The following SCML2 variants were observed in gnomAD, a reference collection of about 807,000 sequenced individuals.
The protein encoded by SCML2 is sex comb on midleg-like protein 2.
Under a neutral mutation model 48.4 loss-of-function variants are expected in SCML2, and 6 were observed. The ratio of observed to expected loss-of-function variants is 0.12; its 90% CI spans 0.07 to 0.24. SCML2 has a LOEUF of 0.24. Ranked by LOEUF, SCML2 falls within the 10% of genes least tolerant of loss-of-function variation. The pLI is 1.00. For synonymous variants in SCML2, 181 were observed against 189.5 expected (o/e 0.95, Z 0.37); for missense variants, 377 against 528.2 (o/e 0.71, Z 2.81).
At chrX:18,278,443 T>C (rs772685010) in intron 7 of SCML2, among the ~76,000 whole-genome samples, 5 of 111,678 alleles carry the variant, frequency 4.5e-5, no homozygotes, top group Middle Eastern at 4.7e-3. Context: ...CCCATGGACA[T>C]GTGAATTGGC....
At chrX:18,244,806 C>T (rs1427424065) in intron 13 of SCML2, among the ~76,000 whole-genome samples, 2 of 110,985 alleles carry the variant, frequency 1.8e-5, no homozygotes, top group African/African-American at 6.5e-5. Flanking sequence ...ATTTTTCATT[C>T]AAATAATGGG....
chrX:18,299,357 A>C (rs894063234), intron 7 of SCML2, among the ~76,000 whole-genome samples: 12 of 106,601 alleles, frequency 1.1e-4, no homozygotes, highest in African/African-American at 3.0e-4. Flanking sequence ...ACTAAAAATA[A>C]AAAAAAAAAA....
At chrX:18,339,506 G>A (rs1332479483) in intron 1 of SCML2, among the ~76,000 whole-genome samples, 3 of 111,594 alleles carry the variant, frequency 2.7e-5, no homozygotes, top group African/African-American at 9.8e-5. Context: ...CCAGAAATTT[G>A]GCACCAGCCT....
intron 11 of SCML2, among the ~76,000 whole-genome samples, chrX:18,253,753 A>T (rs1211352735): frequency 8.9e-6 from 1 of 111,883 alleles, no homozygotes; most frequent in Non-Finnish European, 1.9e-5. Flanking sequence ...TTATAAGGGC[A>T]CAAAACAGAA....
chrX:18,333,977 T>A, intron 2 of SCML2, 73 bp downstream of exon 2: 1 of 962,988 alleles, frequency 1.0e-6, no homozygotes, highest in Non-Finnish European at 1.4e-6. Flanking sequence ...ATTTCAAAAG[T>A]TCAGTATACC....
At chrX:18,314,953 G>C (rs977787776) in intron 6 of SCML2, among the ~76,000 whole-genome samples, 1 of 108,991 alleles carries the variant, frequency 9.2e-6, no homozygotes, top group African/African-American at 3.3e-5. Context: ...TTAGCCGGGC[G>C]TGGTGGCAGG....
At chrX:18,308,635 T>C (rs1016396182) in intron 6 of SCML2, among the ~76,000 whole-genome samples, 1 of 110,261 alleles carries the variant, frequency 9.1e-6, no homozygotes, top group African/African-American at 3.3e-5. Context: ...ACCAAAAAAA[T>C]AACAAATGTT....
At position 18,258,045 on chromosome X, in the gene SCML2, A is replaced by G. The variant is rs1268582224; in HGVS notation, c.1272T>C (p.Thr424=). The G allele has an allele frequency of 8.3e-7, 1 of 1,198,537 alleles. No homozygotes were observed. Among genetic ancestry groups the G allele is most frequent in the Admixed American group, 2.2e-5 (1 of 45,912 alleles). Residue 424 remains threonine (T), a splice_region_variant and synonymous_variant, in exon 10 of 15, where the codon ACT becomes ACC. Coordinates refer to ENST00000251900, the MANE Select transcript of SCML2 (RefSeq NM_006089.3). The part of the protein sequence containing the change: ...KPDNRGGEVI[T]ASFDGETHSI... ...AGACAATGTATTAGATAAGTATACC[A>G]GTTATCACTTCTCCTCCACGATTAT...
At chrX:18,298,836 A>G (rs1928484278) in intron 7 of SCML2, among the ~76,000 whole-genome samples, 1 of 110,712 alleles carries the variant, frequency 9.0e-6, no homozygotes, top group Non-Finnish European at 1.9e-5. Context: ...AAGAAAAAAA[A>G]AAAGAAACTA....
chrX:18,280,435 C>T (rs1412386028), intron 7 of SCML2, among the ~76,000 whole-genome samples: 2 of 112,044 alleles, frequency 1.8e-5, no homozygotes, highest in Non-Finnish European at 3.8e-5. Flanking sequence ...CCCACAGGCA[C>T]TATAAAGCAA....
chrX:18,309,801 C>A (rs1928888263), intron 6 of SCML2, among the ~76,000 whole-genome samples: 1 of 110,967 alleles, frequency 9.0e-6, no homozygotes, highest in Admixed American at 9.6e-5. Context: ...GGGTGAGGAT[C>A]AAAAAACTAC....
chrX:18,309,885 C>T (rs867540964), intron 6 of SCML2, among the ~76,000 whole-genome samples: 1 of 111,268 alleles, frequency 9.0e-6, no homozygotes, highest in Non-Finnish European at 1.9e-5. Context: ...CATAATCTAT[C>T]CGTATTACAA....
chrX:18,274,078 G>A (rs1182714940), intron 7 of SCML2, among the ~76,000 whole-genome samples: 4 of 112,000 alleles, frequency 3.6e-5, no homozygotes, highest in South Asian at 3.7e-4. Flanking sequence ...CCACAAGTGC[G>A]AGTGCAAAAG....
chrX:18,344,991 C>A (rs1930153407), intron 1 of SCML2, among the ~76,000 whole-genome samples: 1 of 111,034 alleles, frequency 9.0e-6, no homozygotes. Context: ...TACCCTAAGG[C>A]TTTTATATAT....
intron 7 of SCML2, among the ~76,000 whole-genome samples, chrX:18,286,408 T>A (rs978334562): frequency 2.7e-5 from 3 of 112,067 alleles, no homozygotes; most frequent in African/African-American, 9.7e-5. Context: ...ATGCCAGCAG[T>A]GACCTTTAGA....
chrX:18,319,225 TACTAAAAACACAAA>T (rs1320107717), intron 6 of SCML2, among the ~76,000 whole-genome samples: 35 of 111,181 alleles, frequency 3.1e-4, no homozygotes, highest in African/African-American at 1.1e-3. Flanking sequence ...ACCCCGTCTC[TACTAAAAACACAAA>T]AATTAGCCTG....
chrX:18,306,340 C>T (rs1227474738), intron 6 of SCML2, among the ~76,000 whole-genome samples: 1 of 111,532 alleles, frequency 9.0e-6, no homozygotes, highest in East Asian at 2.8e-4. Flanking sequence ...CAGTCTGTCT[C>T]GGAGTCACCT....
At chrX:18,310,227 T>C (rs1255568936) in intron 6 of SCML2, among the ~76,000 whole-genome samples, 2 of 108,895 alleles carry the variant, frequency 1.8e-5, no homozygotes, top group Non-Finnish European at 3.8e-5. Context: ...TTCTAGAAGA[T>C]GGCTAGCAAA....
chrX:18,334,186 C>CT, intron 1 of SCML2, 91 bp from the exon 2 acceptor site: 1 of 592,050 alleles, frequency 1.7e-6, no homozygotes, highest in Non-Finnish European at 2.6e-6. Flanking sequence ...TCAATTTAAT[C>CT]TGTTTCCCTT....
Sources: allele counts gnomAD v4.1 joint callset (sites outside exome capture counted in the v4.1 genomes callset), GRCh38; gene constraint gnomAD v4.1.1; transcripts MANE v1.5; gene names NCBI Gene and HGNC (gene_info 2026-07-23, HGNC 2026-07-21).